SLC6A17: variants seen among roughly 807,000 people sequenced by gnomAD.
The protein encoded by SLC6A17 is solute carrier family 6 member 17.
A neutral mutation model predicts 64.5 loss-of-function variants in SLC6A17; 21 were observed. The ratio of observed to expected loss-of-function variants is 0.33; its 90% CI spans 0.23 to 0.47. The LOEUF (loss-of-function observed/expected upper bound fraction) is 0.47. SLC6A17 is among the 20% of genes least tolerant of loss of function. The pLI, the probability that SLC6A17 is intolerant of heterozygous loss-of-function variation, is 1.00. For missense variants in SLC6A17, 682 were observed against 963.2 expected (o/e 0.71, Z 3.86); for synonymous variants, 372 against 399.5 (o/e 0.93, Z 0.82).
intron 10 of SLC6A17, among the ~76,000 whole-genome samples, chr1:110,197,100 T>C (rs1290250442): frequency 6.6e-6 from 1 of 152,192 alleles, no homozygotes; most frequent in African/African-American, 2.4e-5. Context: ...AGGGGGAGCC[T>C]TCAGCCAGGC....
In SLC6A17 at chr1:110,198,502, G is replaced by GA. The variant is rs1437249167; in HGVS notation, c.*58_*59insA. 13 of 1,547,678 alleles carry GA rather than the reference G, an allele frequency of 8.4e-6. No homozygotes were observed. The East Asian group carries it at 2.9e-4, about 35-fold the overall frequency. The stretch of plus-strand genomic sequence containing the variant: ...ACGCTCAACCTGCCCACTTGTCCAG[G>GA]CCTGGCCTCTTTCTTGAGGTGGCCA... On this transcript the variant is annotated 3_prime_UTR_variant, in exon 12 of 12. Transcript: ENST00000331565.
At chr1:110,197,626 G>A in intron 11 of SLC6A17, 27 bp downstream of exon 11, 4 of 1,563,422 alleles carry the variant, frequency 2.6e-6, no homozygotes, top group Non-Finnish European at 3.4e-6. Flanking sequence ...CAAACCCCAG[G>A]GACATTTGCA....
chr1:110,174,701 C>T, intron 4 of SLC6A17, 78 bp from the exon 5 acceptor site: 1 of 1,542,986 alleles, frequency 6.5e-7, no homozygotes, highest in Non-Finnish European at 8.8e-7. Context: ...CCACTGCTGC[C>T]CTGAGTGGTG....
chr1:110,176,837 A>C lies in SLC6A17; in HGVS notation c.864+98A>C, dbSNP rs1258379887. 4.8e-6 allele frequency: 5 copies of C among 1,047,728 alleles called. No homozygotes were observed. In the Admixed American group the frequency reaches 9.8e-5, roughly 20 times the overall value. The allele number at this position is 1,047,728 out of a possible 1,614,324, so 64.9% of individuals were successfully genotyped here. On this transcript the variant is annotated intron_variant, in intron 6 of 11. Transcript: ENST00000331565. ...TCATGGAATTTAATGCACTCCGAAC[A>C]CCTGCTATGTGTTGGGTATCGTACC... is the stretch of plus-strand genomic sequence containing the variant.
chr1:110,193,385 G>A (rs1656881209), intron 8 of SLC6A17, among the ~76,000 whole-genome samples: 1 of 152,188 alleles, frequency 6.6e-6, no homozygotes, highest in African/African-American at 2.4e-5. Flanking sequence ...CCCATGTTAG[G>A]ACACCTTGCT....
intron 6 of SLC6A17, among the ~76,000 whole-genome samples, chr1:110,184,321 G>A (rs934597424): frequency 3.9e-5 from 6 of 152,188 alleles, no homozygotes; most frequent in African/African-American, 1.4e-4. Flanking sequence ...TAGCTAGGAT[G>A]GTCTCGATCT....
intron 6 of SLC6A17, among the ~76,000 whole-genome samples, chr1:110,184,379 A>G (rs995186930): frequency 1.3e-5 from 2 of 152,194 alleles, no homozygotes; most frequent in Non-Finnish European, 2.9e-5. Flanking sequence ...TGCTGGGATT[A>G]TAGATGTGAG....
chr1:110,158,182 T>C (rs1655811482), intron 1 of SLC6A17, among the ~76,000 whole-genome samples: 1 of 152,164 alleles, frequency 6.6e-6, no homozygotes, highest in South Asian at 2.1e-4. Context: ...TAGAACATAA[T>C]GTTCAGCAAA....
chr1:110,166,557 TC>T (rs1656060542), intron 1 of SLC6A17, among the ~76,000 whole-genome samples: 3 of 152,226 alleles, frequency 2.0e-5, no homozygotes, highest in African/African-American at 7.2e-5. Context: ...GGAAATGTCT[TC>T]ACGGATAATG....
chr1:110,179,445 A>G (rs1656457392), intron 6 of SLC6A17, among the ~76,000 whole-genome samples: 3 of 151,978 alleles, frequency 2.0e-5, no homozygotes, highest in Admixed American at 2.0e-4. Flanking sequence ...ATTTTTGCCA[A>G]TTAGGTGGAT....
At chr1:110,155,473 G>A (rs552733342) in intron 1 of SLC6A17, among the ~76,000 whole-genome samples, 9 of 152,184 alleles carry the variant, frequency 5.9e-5, no homozygotes, top group Admixed American at 4.6e-4. Flanking sequence ...TTCTGGGTCA[G>A]GTGAGTTCTA....
chr1:110,179,070 C>A (rs1570992123), intron 6 of SLC6A17, among the ~76,000 whole-genome samples: 1 of 152,190 alleles, frequency 6.6e-6, no homozygotes, highest in East Asian at 1.9e-4. Flanking sequence ...TTTTGCTTAA[C>A]ATGATTTTCT....
intron 6 of SLC6A17, among the ~76,000 whole-genome samples, chr1:110,179,851 C>T (rs1570992706): frequency 6.6e-6 from 1 of 151,934 alleles, no homozygotes; most frequent in Admixed American, 6.5e-5. Flanking sequence ...CTGCGCCTGG[C>T]CTTGGGGTGC....
intron 2 of SLC6A17, 65 bp downstream of exon 2, chr1:110,167,280 A>G: frequency 6.5e-7 from 1 of 1,545,320 alleles, no homozygotes; most frequent in Non-Finnish European, 8.7e-7. Context: ...GGGGTAAAAA[A>G]GAACACCCCT....
At position 110,192,756 on chromosome 1, in the gene SLC6A17, C is replaced by T. The variant is rs1001005328; in HGVS notation, c.1299+58C>T. 4.1e-5 allele frequency: 63 copies of T among 1,543,790 alleles called. 1 individual carries two copies. Among genetic ancestry groups the T allele is most frequent in the Middle Eastern group, 3.5e-4 (2 of 5,780 alleles). On this transcript the variant is annotated intron_variant, in intron 8 of 11. Coordinates refer to ENST00000331565, the MANE Select transcript of SLC6A17 (RefSeq NM_001010898.4). The surrounding 1 kb of genome is among the most constrained non-coding windows in gnomAD (Gnocchi z 4.3). ...CAGGAACCCAGAGAGCAGCTGTGGC[C>T]GGCGGGAGCTTGGGCTCAGGCCTCA...
Position 110,192,765 on chromosome 1 carries a change from C to G in SLC6A17, c.1299+67C>G, listed in dbSNP as rs74117550. 2,053 of 1,523,882 alleles carry G rather than the reference C, an allele frequency of 1.3e-3. 24 individuals are homozygous for G. In the African/African-American group the frequency reaches 0.025, roughly 19 times the overall value. 94.4% of individuals were successfully genotyped at this position (1,523,882 alleles called of 1,614,324 possible). On this transcript the variant is annotated intron_variant, in intron 8 of 11. Coordinates refer to ENST00000331565, the MANE Select transcript of SLC6A17 (RefSeq NM_001010898.4). The surrounding 1 kb of genome is among the most constrained non-coding windows in gnomAD (Gnocchi z 4.3). ...AGAGAGCAGCTGTGGCCGGCGGGAG[C>G]TTGGGCTCAGGCCTCAGGATGCTGA...
intron 1 of SLC6A17, among the ~76,000 whole-genome samples, chr1:110,162,080 C>T (rs1655925452): frequency 6.6e-6 from 1 of 152,272 alleles, no homozygotes; most frequent in Non-Finnish European, 1.5e-5. Context: ...CACTCGTGCC[C>T]CTCTGCGCTG....
intron 6 of SLC6A17, among the ~76,000 whole-genome samples, chr1:110,191,494 G>A (rs1280155882): frequency 6.6e-6 from 1 of 152,124 alleles, no homozygotes; most frequent in Admixed American, 6.5e-5. Flanking sequence ...ATGAGGTAGA[G>A]GAGTTTGAGG....
chr1:110,175,233 G>T (rs1163759355), intron 5 of SLC6A17, among the ~76,000 whole-genome samples: 1 of 152,198 alleles, frequency 6.6e-6, no homozygotes, highest in African/African-American at 2.4e-5. Flanking sequence ...TTAGAGAGGA[G>T]GAAAACTAGA....
Sources: allele counts gnomAD v4.1 joint callset (sites outside exome capture counted in the v4.1 genomes callset), GRCh38; gene constraint gnomAD v4.1.1; non-coding constraint Gnocchi (gnomAD v3.1); transcripts MANE v1.5; gene names NCBI Gene and HGNC (gene_info 2026-07-23, HGNC 2026-07-21).